Variants in PRKAG3 observed in about 807,000 individuals in gnomAD.
PRKAG3 encodes the protein 5'-AMP-activated protein kinase subunit gamma-3.
A neutral mutation model predicts 56.5 loss-of-function variants in PRKAG3; 39 were observed. The observed-to-expected ratio is 0.69, with a 90% CI of 0.53 to 0.90. PRKAG3 has a LOEUF of 0.90. Ranked by LOEUF, PRKAG3 falls within the 40% of genes least tolerant of loss-of-function variation. PRKAG3 has a pLI of 0.00. For synonymous variants in PRKAG3, 243 were observed against 250.1 expected (o/e 0.97, Z 0.27); for missense variants, 628 against 627.5 (o/e 1.00, Z -0.01).
chr2:218,824,589 G>T lies in PRKAG3; in HGVS notation c.1169-13C>A. The T allele has an allele frequency of 6.2e-7, 1 of 1,608,580 alleles. No individual in the cohort carries two copies. Among genetic ancestry groups the T allele is most frequent in the African/African-American group, 1.3e-5 (1 of 74,888 alleles). On this transcript the variant is annotated splice_polypyrimidine_tract_variant and intron_variant, in intron 10 of 12. Coordinates refer to ENST00000529249, the Ensembl canonical transcript of PRKAG3. ...CCCACGACCTGACCTGCAGAGGGTGGTTGTGGGGGGTGGGGGGAGAAAGAC... is the reference window on the plus strand; with the variant it reads ...CCCACGACCTGACCTGCAGAGGGTGTTTGTGGGGGGTGGGGGGAGAAAGAC...
rs752182941 is a variant in PRKAG3, at chr2:218,830,388, G to C, written c.230-7C>G. On this transcript the variant is annotated splice_polypyrimidine_tract_variant and splice_region_variant and intron_variant, in intron 3 of 12. Transcript: ENST00000529249. ...GCTGGCCTGGACCGGGGACCTGTTT[G>C]GGGGAGGAGGGGAAGAGGACAGTAA... 3.1e-6 allele frequency: 5 copies of C among 1,604,438 alleles called. No individual in the cohort carries two copies. Among genetic ancestry groups the C allele is most frequent in the Non-Finnish European group, 4.3e-6 (5 of 1,173,906 alleles).
chr2:218,828,683 C>A (rs770046559), intron 4 of PRKAG3, 83 bp from the exon 5 acceptor site: 18 of 1,223,072 alleles, frequency 1.5e-5, no homozygotes, highest in Admixed American at 6.5e-5. Context: ...CACCTCCCAT[C>A]TGCCTGCTGT....
chr2:218,824,520 C>T lies in PRKAG3; in HGVS notation c.1206+19G>A. On this transcript the variant is annotated intron_variant, in intron 11 of 12. Transcript: ENST00000529249. ...CCCTTAGCCTCCCTGCAGCATCCCA[C>T]CTTTCCAGCGACACTTACAATCACA... 1 of 1,610,662 alleles carries T rather than the reference C, an allele frequency of 6.2e-7. No homozygotes were observed. The highest frequency in any genetic ancestry group is 8.5e-7 in the Non-Finnish European group (1 of 1,176,830).
In PRKAG3 at chr2:218,829,847, C is replaced by T; in HGVS notation, c.633+131G>A. On this transcript the variant is annotated intron_variant, in intron 4 of 12. Transcript: ENST00000529249. Reference sequence around the variant, plus strand: ...CCTCCCCCAACTGGCCTCCATAGTGCTAAGAAGGAGTCCTTTCAGGGGGCT... The same window carrying T: ...CCTCCCCCAACTGGCCTCCATAGTGTTAAGAAGGAGTCCTTTCAGGGGGCT... 2.6e-6 allele frequency: 3 copies of T among 1,132,516 alleles called. No individual in the cohort carries two copies. In the Admixed American group the frequency reaches 6.0e-5, roughly 23 times the overall value. 70.2% of individuals were successfully genotyped at this position (1,132,516 alleles called of 1,614,324 possible).
intron 5 of PRKAG3, among the ~76,000 whole-genome samples, 190 bp downstream of exon 5, chr2:218,828,329 G>T (rs1943967450): frequency 6.6e-6 from 1 of 152,174 alleles, no homozygotes; most frequent in Non-Finnish European, 1.5e-5. Flanking sequence ...CTCCACAGAT[G>T]GGGAAATTGA....
At chr2:218,826,803 A>T in intron 10 of PRKAG3, 125 bp downstream of exon 10, 1 of 1,291,374 alleles carries the variant, frequency 7.7e-7, no homozygotes, top group Non-Finnish European at 1.1e-6. Context: ...GGAGACTTCT[A>T]ATCCCCAGTC....
intron 4 of PRKAG3, among the ~76,000 whole-genome samples, chr2:218,828,833 G>A (rs1943975976): frequency 6.6e-6 from 1 of 152,170 alleles, no homozygotes; most frequent in Admixed American, 6.5e-5. Flanking sequence ...TAAGGCTGTG[G>A]CCTGAGACCA....
chr2:218,827,254 T>A lies in PRKAG3; in HGVS notation c.995A>T (p.His332Leu), dbSNP rs753199231. 6.2e-7 allele frequency: 1 copy of A among 1,614,138 alleles called. No individual in the cohort carries two copies. The highest frequency in any genetic ancestry group is 1.7e-5 in the Admixed American group (1 of 60,018). Reference sequence around the variant, plus strand: ...ACCTGGGCCCAGGCTTACAAAGATGTGCAGGAACTTGAGCAGGCGTTTGTG... The same window carrying A: ...ACCTGGGCCCAGGCTTACAAAGATGAGCAGGAACTTGAGCAGGCGTTTGTG... Residue 332 changes from histidine (H) to leucine (L), a missense_variant, in exon 9 of 13, where the codon CAC becomes CTC. His to Leu is a moderately conservative substitution (Grantham distance 99, BLOSUM62 -3). Coordinates refer to ENST00000529249, the Ensembl canonical transcript of PRKAG3. The surrounding 1 kb of genome is among the most constrained non-coding windows in gnomAD (Gnocchi z 5.3).
chr2:218,831,268 C>T (rs1277553637), intron 2 of PRKAG3, 68 bp downstream of exon 2: 1 of 1,252,742 alleles, frequency 8.0e-7, no homozygotes. Context: ...GAATTGGGGT[C>T]CCAGAAAAGT....
chr2:218,827,621 G>T lies in PRKAG3; in HGVS notation c.829C>A (p.Leu277Met). ...ACCAGAGGCTTGAAGCAGCCTTGCA[G>T]GTAGATCTCTGCAGAAAGAGCCAGA... The change falls in exon 8 of 13, where the codon CTG becomes ATG. Residue 277 changes from leucine (L) to methionine (M), a missense_variant. Leu to Met is a conservative substitution (Grantham distance 15, BLOSUM62 2). Transcript: ENST00000529249. The surrounding 1 kb of genome is among the most constrained non-coding windows in gnomAD (Gnocchi z 5.3). The T allele has an allele frequency of 6.2e-7, 1 of 1,614,066 alleles. No individual in the cohort carries two copies. Among genetic ancestry groups the T allele is most frequent in the South Asian group, 1.1e-5 (1 of 91,052 alleles).
At chr2:218,828,559 C>T (rs1162362854) in exon 5 of PRKAG3, 2 of 1,613,734 alleles carry the variant, frequency 1.2e-6, no homozygotes, top group African/African-American at 2.7e-5. Flanking sequence ...GAGGGGCTGC[C>T]CGCACACCGT....
chr2:218,823,143 C>A, downstream of PRKAG3: 1 of 817,990 alleles, frequency 1.2e-6, no homozygotes, highest in Non-Finnish European at 1.5e-6. Flanking sequence ...CAACAGGGGA[C>A]CCTTGCCAGC....
chr2:218,829,306 C>A (rs1166566093), intron 4 of PRKAG3, among the ~76,000 whole-genome samples: 1 of 150,860 alleles, frequency 6.6e-6, no homozygotes, highest in Admixed American at 6.6e-5. Flanking sequence ...ACTCTTTTTT[C>A]TAAGTCACTC....
downstream of PRKAG3, chr2:218,823,082 G>C (rs1311690603): frequency 4.2e-6 from 4 of 947,862 alleles, no homozygotes; most frequent in Non-Finnish European, 5.0e-6. Flanking sequence ...GAAGCCTGTG[G>C]GGAAAAGAAA....
At chr2:218,825,682 A>G (rs1431059923) in intron 10 of PRKAG3, among the ~76,000 whole-genome samples, 3 of 152,094 alleles carry the variant, frequency 2.0e-5, no homozygotes, top group Admixed American at 1.3e-4. Context: ...ATTCTTGAGG[A>G]AATGGAGAAG....
At chr2:218,824,511 A>G in intron 11 of PRKAG3, 28 bp downstream of exon 11, 1 of 1,607,540 alleles carries the variant, frequency 6.2e-7, no homozygotes, top group Non-Finnish European at 8.5e-7. Flanking sequence ...GCCTCCCTGC[A>G]GCATCCCACC....
At chr2:218,828,140 C>T (rs969461779) in intron 5 of PRKAG3, 78 bp from the exon 6 acceptor site, 1 of 1,304,008 alleles carries the variant, frequency 7.7e-7, no homozygotes, top group Non-Finnish European at 1.1e-6. Flanking sequence ...CCCCTCCCCA[C>T]CCTGCCAGTG....
exon 13 of PRKAG3, chr2:218,823,819 G>A (rs140697448): frequency 3.7e-5 from 59 of 1,614,030 alleles, no homozygotes; most frequent in East Asian, 8.9e-5. Flanking sequence ...GAAGGATGTC[G>A]GAGAGGGAGA....
Position 218,827,541 on chromosome 2 carries a change from G to T in PRKAG3, c.875+34C>A, listed in dbSNP as rs1943951397. 6.2e-6 allele frequency: 10 copies of T among 1,609,330 alleles called. No individual in the cohort carries two copies. The highest frequency in any genetic ancestry group is 2.2e-5 in the South Asian group (2 of 90,926). On this transcript the variant is annotated intron_variant, in intron 8 of 12. Coordinates refer to ENST00000529249, the Ensembl canonical transcript of PRKAG3. This position sits in a 1 kb window ranked among gnomAD's most constrained non-coding sequence, Gnocchi z 5.3. ...GGACTGGGGAAGGGGACTGTGGGAG[G>T]AGGAGGCTCAGGTGAATGAGCAGAG...
Sources: allele counts gnomAD v4.1 joint callset (sites outside exome capture counted in the v4.1 genomes callset), GRCh38; gene constraint gnomAD v4.1.1; non-coding constraint Gnocchi (gnomAD v3.1); transcripts MANE v1.5; gene names NCBI Gene and HGNC (gene_info 2026-07-23, HGNC 2026-07-21).